The following SEM1 variants were observed in gnomAD, a reference collection of about 807,000 sequenced individuals.
SEM1 encodes SEM1 26S proteasome subunit, also known as 26S proteasome complex subunit SEM1.
SEM1 carries 3 observed loss-of-function variants against 12.7 expected under a neutral mutation model. The observed-to-expected ratio is 0.24, with a 90% CI of 0.11 to 0.61. The LOEUF (loss-of-function observed/expected upper bound fraction) is 0.61. Among genes scored for constraint, SEM1 ranks in the 20% least tolerant of loss-of-function variants. The pLI is 0.88. For missense variants in SEM1, 59 were observed against 81.3 expected (o/e 0.73, Z 1.06); for synonymous variants, 30 against 27.8 (o/e 1.08, Z -0.25).
intron 2 of SEM1, among the ~76,000 whole-genome samples, chr7:96,651,123 T>C (rs1004921198): frequency 6.6e-6 from 1 of 152,194 alleles, no homozygotes; most frequent in African/African-American, 2.4e-5. Flanking sequence ...TTGGTTCTTA[T>C]TAGTATTGCC....
At chr7:96,697,573 A>T (rs541388527) in intron 1 of SEM1, among the ~76,000 whole-genome samples, 25 of 152,252 alleles carry the variant, frequency 1.6e-4, no homozygotes, top group South Asian at 2.1e-4. Flanking sequence ...TTCTACACCA[A>T]TTTTCAAGAG....
intron 2 of SEM1, among the ~76,000 whole-genome samples, chr7:96,668,419 A>G (rs978120901): frequency 6.6e-6 from 1 of 152,226 alleles, no homozygotes; most frequent in African/African-American, 2.4e-5. Flanking sequence ...TCTGCTATAA[A>G]ATAAATAAAA....
At chr7:96,482,882 C>G (rs1802601756) in exon 4 of SEM1, 1 of 152,176 alleles carries the variant, frequency 6.6e-6, no homozygotes, top group Non-Finnish European at 1.5e-5. Context: ...TTACAAACAA[C>G]TAGGCTGGCT....
intron 2 of SEM1, among the ~76,000 whole-genome samples, chr7:96,582,289 T>C (rs564980229): frequency 6.7e-6 from 1 of 148,834 alleles, no homozygotes; most frequent in South Asian, 2.2e-4. Flanking sequence ...GATTTGCGTA[T>C]ATTGAACCAG....
intron 1 of SEM1, among the ~76,000 whole-genome samples, chr7:96,708,896 A>G (rs1790554135): frequency 6.6e-6 from 1 of 152,224 alleles, no homozygotes; most frequent in South Asian, 2.1e-4. Flanking sequence ...AATGTTAGCA[A>G]TTTGCTATTA....
intron 2 of SEM1, among the ~76,000 whole-genome samples, chr7:96,537,074 C>T (rs1020722777): frequency 2.6e-5 from 4 of 151,632 alleles, no homozygotes; most frequent in Non-Finnish European, 5.9e-5. Context: ...ATCAATTTTA[C>T]TTAAAATGTT....
At chr7:96,497,983 A>C (rs952784958), upstream of SEM1, among the ~76,000 whole-genome samples, 1 of 152,208 alleles carries the variant, frequency 6.6e-6, no homozygotes, top group African/African-American at 2.4e-5. Flanking sequence ...TTAGAGATGA[A>C]AAATACAACA....
At chr7:96,667,510 C>T (rs1789201882) in intron 2 of SEM1, among the ~76,000 whole-genome samples, 1 of 152,136 alleles carries the variant, frequency 6.6e-6, no homozygotes, top group Admixed American at 6.5e-5. Context: ...AGTAACAAAG[C>T]TATTGTCAAC....
At chr7:96,514,050 C>T (rs1804013277) in intron 2 of SEM1, among the ~76,000 whole-genome samples, 1 of 151,916 alleles carries the variant, frequency 6.6e-6, no homozygotes, top group African/African-American at 2.4e-5. Flanking sequence ...TCATGATATA[C>T]ATTTGGGGAA....
intron 2 of SEM1, among the ~76,000 whole-genome samples, chr7:96,531,198 T>C (rs1490790864): frequency 6.6e-6 from 1 of 151,930 alleles, no homozygotes; most frequent in Non-Finnish European, 1.5e-5. Context: ...ATTGCACATA[T>C]GAAAATTTAT....
chr7:96,660,882 T>C (rs1376786627), intron 2 of SEM1, among the ~76,000 whole-genome samples: 1 of 151,862 alleles, frequency 6.6e-6, no homozygotes, highest in Non-Finnish European at 1.5e-5. Context: ...AACGAATATA[T>C]AAAAATGAGT....
chr7:96,543,952 C>A (rs1489896825), intron 2 of SEM1, among the ~76,000 whole-genome samples: 4 of 152,046 alleles, frequency 2.6e-5, no homozygotes, highest in African/African-American at 9.7e-5. Flanking sequence ...GCTCTATGAT[C>A]ACCATCTTGA....
downstream of SEM1, among the ~76,000 whole-genome samples, chr7:96,687,632 G>A (rs987457743): frequency 5.9e-5 from 9 of 151,770 alleles, no homozygotes; most frequent in Admixed American, 2.0e-4. Context: ...GGGGACTGTT[G>A]TGGGGTGGGG....
At chr7:96,543,169 G>A (rs1268139944) in intron 2 of SEM1, among the ~76,000 whole-genome samples, 1 of 151,752 alleles carries the variant, frequency 6.6e-6, no homozygotes, top group African/African-American at 2.4e-5. Context: ...AAAAATATTT[G>A]CAAAAACAAA....
chr7:96,647,147 A>C (rs1808819331), intron 2 of SEM1, among the ~76,000 whole-genome samples: 1 of 152,132 alleles, frequency 6.6e-6, no homozygotes, highest in Admixed American at 6.5e-5. Flanking sequence ...AGTCAAGTTT[A>C]CTTATGAACT....
At chr7:96,613,634 A>AGAACAGGAAGACCT (rs1244754688) in intron 2 of SEM1, among the ~76,000 whole-genome samples, 6 of 152,238 alleles carry the variant, frequency 3.9e-5, no homozygotes, top group Non-Finnish European at 7.3e-5. Flanking sequence ...ATAAATCACC[A>AGAACAGGAAGACCT]GAACAGGAAG....
intron 2 of SEM1, among the ~76,000 whole-genome samples, chr7:96,585,547 C>T (rs1392322859): frequency 3.9e-5 from 6 of 152,336 alleles, no homozygotes; most frequent in African/African-American, 7.2e-5. Context: ...TGGGCAATGG[C>T]GGGCGCCCCT....
chr7:96,669,295 T>A (rs973154927), downstream of SEM1, among the ~76,000 whole-genome samples: 1 of 152,214 alleles, frequency 6.6e-6, no homozygotes, highest in Non-Finnish European at 1.5e-5. Flanking sequence ...AAGGGACAGA[T>A]GATAGGCTTT....
intron 2 of SEM1, among the ~76,000 whole-genome samples, chr7:96,628,505 C>T (rs1341470474): frequency 2.0e-5 from 3 of 151,902 alleles, no homozygotes. Context: ...CATAAACAAG[C>T]AAAGAGAAAA....
Sources: gnomAD v4.1 joint callset for allele counts (sites outside exome capture counted in the v4.1 genomes callset) on GRCh38, gnomAD v4.1.1 for gene constraint, MANE v1.5 for transcripts, NCBI Gene and HGNC (gene_info 2026-07-23, HGNC 2026-07-21) for gene names.